Variants in SPAG16 observed in about 807,000 individuals in gnomAD.
The protein encoded by SPAG16 is sperm-associated antigen 16 protein.
In SPAG16, 86 loss-of-function variants were observed where a neutral mutation model predicts 80.4. The ratio of observed to expected loss-of-function variants is 1.07; its 90% CI spans 0.90 to 1.28. The LOEUF is 1.28. SPAG16 is among the 50% of genes most tolerant of loss of function. SPAG16 has a pLI of 0.00. For missense variants in SPAG16, 870 were observed against 765.3 expected (o/e 1.14, Z -1.61); for synonymous variants, 294 against 265.9 (o/e 1.11, Z -1.03).
chr2:213,693,518 T>C (rs1450773762), intron 10 of SPAG16, among the ~76,000 whole-genome samples: 1 of 152,198 alleles, frequency 6.6e-6, no homozygotes, highest in African/African-American at 2.4e-5. Context: ...ATAATGGCCA[T>C]TAAACAAAAA....
intron 9 of SPAG16, among the ~76,000 whole-genome samples, chr2:213,390,876 G>A (rs762533227): frequency 9.9e-5 from 15 of 152,038 alleles, no homozygotes; most frequent in Admixed American, 6.6e-5. Context: ...TACCAATATA[G>A]CTATTAAAAT....
At chr2:213,333,011 C>T (rs963822969) in intron 5 of SPAG16, among the ~76,000 whole-genome samples, 1 of 151,808 alleles carries the variant, frequency 6.6e-6, no homozygotes, top group African/African-American at 2.4e-5. Context: ...AGTGGAAGTC[C>T]AAGCAATCAG....
chr2:213,557,695 C>G (rs1213188600), intron 10 of SPAG16, among the ~76,000 whole-genome samples: 1 of 152,128 alleles, frequency 6.6e-6, no homozygotes, highest in African/African-American at 2.4e-5. Flanking sequence ...TCAAGCAATC[C>G]TCCCACCTCA....
chr2:213,538,310 T>A (rs2076317325), intron 10 of SPAG16, among the ~76,000 whole-genome samples: 1 of 152,210 alleles, frequency 6.6e-6, no homozygotes, highest in South Asian at 2.1e-4. Flanking sequence ...CAGGATTAGG[T>A]AGGATGTGAT....
intron 15 of SPAG16, among the ~76,000 whole-genome samples, chr2:214,177,910 T>TATAC (rs1553519923): frequency 2.0e-4 from 14 of 70,882 alleles, no homozygotes; most frequent in South Asian, 1.0e-3. Flanking sequence ...CATATATATA[T>TATAC]ATATACATAT....
At chr2:213,647,873 T>C (rs1308383192) in intron 10 of SPAG16, among the ~76,000 whole-genome samples, 1 of 152,152 alleles carries the variant, frequency 6.6e-6, no homozygotes, top group East Asian at 1.9e-4. Context: ...GAAGGCTCAG[T>C]TGCCTCCTTC....
At chr2:213,614,854 C>G (rs2125031014) in intron 10 of SPAG16, among the ~76,000 whole-genome samples, 1 of 152,266 alleles carries the variant, frequency 6.6e-6, no homozygotes, top group South Asian at 2.1e-4. Context: ...TGCTTAAAAA[C>G]ATCAATACAG....
rs369058117 is a variant in SPAG16 at position 213,930,050 on chromosome 2, C to T, written c.1305C>T (p.His435=). 6.2e-7 allele frequency: 1 copy of T among 1,614,148 alleles called. No individual in the cohort carries two copies. Among genetic ancestry groups the T allele is most frequent in the Admixed American group, 1.7e-5 (1 of 60,018 alleles). The change falls in exon 12 of 16, where the codon CAC becomes CAT. Residue 435 remains histidine, a synonymous_variant. Transcript: ENST00000331683. ...ATTGCATTTTGACCTTTGAAGGACA[C>T]AGCCGCGCAGTGTGGTCCTGCACAT... ...KGDCILTFEG[H]SRAVWSCTWH... is the part of the protein sequence containing the mutation.
At chr2:213,763,983 T>A (rs1316382729) in intron 10 of SPAG16, among the ~76,000 whole-genome samples, 2 of 152,182 alleles carry the variant, frequency 1.3e-5, no homozygotes, top group African/African-American at 4.8e-5. Flanking sequence ...AAAACACAAA[T>A]GTGAAGGGTG....
At chr2:213,604,434 A>T (rs1296361487) in intron 10 of SPAG16, among the ~76,000 whole-genome samples, 3 of 152,148 alleles carry the variant, frequency 2.0e-5, no homozygotes, top group Non-Finnish European at 4.4e-5. Flanking sequence ...TGCTCCTTGA[A>T]GCCCATCAAA....
intron 13 of SPAG16, among the ~76,000 whole-genome samples, chr2:214,061,027 A>C (rs1375831691): frequency 6.6e-6 from 1 of 152,196 alleles, no homozygotes; most frequent in African/African-American, 2.4e-5. Context: ...CTTTTGGGAA[A>C]TGGCATATGG....
chr2:213,764,203 C>G (rs2662679), intron 10 of SPAG16, among the ~76,000 whole-genome samples: 138 of 151,064 alleles, frequency 9.1e-4, no homozygotes, highest in African/African-American at 3.3e-3. Context: ...GTTTTTTTTT[C>G]TCTTTTTCTT....
At chr2:213,401,048 A>ATC (rs1453136830) in intron 9 of SPAG16, among the ~76,000 whole-genome samples, 2 of 152,074 alleles carry the variant, frequency 1.3e-5, no homozygotes, top group African/African-American at 4.8e-5. Context: ...GACTCAAGAG[A>ATC]TCTGTCTGTC....
chr2:214,221,103 A>G (rs138966436), intron 15 of SPAG16, among the ~76,000 whole-genome samples: 264 of 152,304 alleles, frequency 1.7e-3, no homozygotes, highest in African/African-American at 6.1e-3. Context: ...GAATTTCCCC[A>G]TAAGAAATAT....
chr2:213,529,057 T>A (rs1000617717), intron 10 of SPAG16, among the ~76,000 whole-genome samples: 1 of 152,206 alleles, frequency 6.6e-6, no homozygotes, highest in African/African-American at 2.4e-5. Context: ...ATACTCAGGC[T>A]GATAATATTT....
intron 15 of SPAG16, among the ~76,000 whole-genome samples, chr2:214,149,776 T>A (rs1350290917): frequency 6.6e-6 from 1 of 152,128 alleles, no homozygotes; most frequent in Non-Finnish European, 1.5e-5. Flanking sequence ...CATTCTATAA[T>A]GTTATTATAT....
intron 9 of SPAG16, among the ~76,000 whole-genome samples, chr2:213,393,432 A>T (rs1260065082): frequency 2.0e-5 from 3 of 151,908 alleles, no homozygotes; most frequent in Non-Finnish European, 2.9e-5. Context: ...ATACATATGT[A>T]GTCTTCAACT....
intron 15 of SPAG16, among the ~76,000 whole-genome samples, chr2:214,174,266 A>G (rs1372773737): frequency 1.3e-5 from 2 of 151,970 alleles, no homozygotes; most frequent in Middle Eastern, 3.2e-3. Flanking sequence ...AGGGTATTCA[A>G]TTAGGAAAAG....
intron 10 of SPAG16, among the ~76,000 whole-genome samples, chr2:213,691,781 C>T (rs771184146): frequency 1.3e-4 from 20 of 152,084 alleles, no homozygotes; most frequent in Non-Finnish European, 2.6e-4. Flanking sequence ...TTGTTGTCCC[C>T]ACCAGATTGA....
Sources: gnomAD v4.1 joint callset for allele counts (sites outside exome capture counted in the v4.1 genomes callset) on GRCh38, gnomAD v4.1.1 for gene constraint, MANE v1.5 for transcripts, NCBI Gene and HGNC (gene_info 2026-07-23, HGNC 2026-07-21) for gene names.